The following TTC28 variants were observed in gnomAD, a reference collection of about 807,000 sequenced individuals.
TTC28 encodes tetratricopeptide repeat domain 28.
A neutral mutation model predicts 198.0 loss-of-function variants in TTC28; 61 were observed. That is an observed-to-expected ratio of 0.31 (90% confidence interval 0.25 to 0.38). The LOEUF (loss-of-function observed/expected upper bound fraction) is 0.38, where lower values mean the gene tolerates loss of function less well. Among genes scored for constraint, TTC28 ranks in the 10% least tolerant of loss-of-function variants. The pLI is 1.00. For missense variants in TTC28, 2,678 were observed against 3,164.0 expected (o/e 0.85, Z 3.69); for synonymous variants, 1,171 against 1,297.8 (o/e 0.90, Z 2.10).
At chr22:28,620,870 T>C (rs1030505558) in intron 2 of TTC28, among the ~76,000 whole-genome samples, 2 of 152,180 alleles carry the variant, frequency 1.3e-5, no homozygotes, top group Non-Finnish European at 2.9e-5. Flanking sequence ...TCCTGCTCAT[T>C]CCTCTCCTCA....
At chr22:28,502,963 T>G (rs910128605) in intron 2 of TTC28, among the ~76,000 whole-genome samples, 1 of 152,332 alleles carries the variant, frequency 6.6e-6, no homozygotes, top group South Asian at 2.1e-4. Context: ...TTAGGTTGAA[T>G]GTTTATATTC....
At chr22:28,335,913 T>C (rs1253299632) in intron 2 of TTC28, among the ~76,000 whole-genome samples, 2 of 152,232 alleles carry the variant, frequency 1.3e-5, no homozygotes, top group African/African-American at 2.4e-5. Context: ...CCCTGTCTTG[T>C]GCCAGTTTTC....
At chr22:28,247,554 A>G (rs1456180807) in intron 5 of TTC28, among the ~76,000 whole-genome samples, 1 of 152,192 alleles carries the variant, frequency 6.6e-6, no homozygotes, top group African/African-American at 2.4e-5. Flanking sequence ...CTACAGTGGG[A>G]TCAGAGCTAC....
chr22:28,671,282 A>G (rs955225378), intron 1 of TTC28, among the ~76,000 whole-genome samples: 1 of 152,068 alleles, frequency 6.6e-6, no homozygotes, highest in African/African-American at 2.4e-5. Context: ...TTATCATTGC[A>G]TAGTAAGTTA....
intron 1 of TTC28, among the ~76,000 whole-genome samples, chr22:28,651,968 T>C (rs1439760637): frequency 6.6e-6 from 1 of 152,052 alleles, no homozygotes; most frequent in Non-Finnish European, 1.5e-5. Flanking sequence ...GCCTCCCAAG[T>C]AGCTGGGATT....
At chr22:28,662,634 G>C (rs2051766568) in intron 1 of TTC28, among the ~76,000 whole-genome samples, 1 of 152,218 alleles carries the variant, frequency 6.6e-6, no homozygotes, top group South Asian at 2.1e-4. Context: ...AGAAGGAAGA[G>C]TGCTTCCACA....
At chr22:28,594,970 A>G (rs73882787) in intron 2 of TTC28, among the ~76,000 whole-genome samples, 3,296 of 152,290 alleles carry the variant, frequency 0.022, 114 homozygotes, top group African/African-American at 0.075. Flanking sequence ...ATCAGAGTGA[A>G]TAGACAGTAC....
At chr22:28,021,193 G>A (rs1048988961) in intron 13 of TTC28, among the ~76,000 whole-genome samples, 1 of 152,272 alleles carries the variant, frequency 6.6e-6, no homozygotes, top group African/African-American at 2.4e-5. Context: ...GATGGTGGGG[G>A]CCCACCTAGC....
At chr22:28,442,168 G>C (rs1414661485) in intron 2 of TTC28, among the ~76,000 whole-genome samples, 4 of 151,632 alleles carry the variant, frequency 2.6e-5, no homozygotes, top group Admixed American at 1.3e-4. Context: ...AAATAATCTC[G>C]CAAAAAGCAA....
intron 5 of TTC28, among the ~76,000 whole-genome samples, chr22:28,212,188 T>C (rs559329469): frequency 9.9e-5 from 15 of 152,026 alleles, no homozygotes; most frequent in Admixed American, 4.6e-4. Context: ...AGTTCTAAAA[T>C]TGACACCTGA....
intron 2 of TTC28, among the ~76,000 whole-genome samples, chr22:28,569,631 T>C (rs1252239866): frequency 6.6e-6 from 1 of 152,076 alleles, no homozygotes; most frequent in African/African-American, 2.4e-5. Flanking sequence ...GGAAATACCA[T>C]TCTGGACATC....
At chr22:28,429,671 T>G (rs890647552) in intron 2 of TTC28, among the ~76,000 whole-genome samples, 3 of 152,214 alleles carry the variant, frequency 2.0e-5, no homozygotes, top group Admixed American at 2.0e-4. Context: ...AAACCCATTC[T>G]TCCCACTTCA....
intron 2 of TTC28, among the ~76,000 whole-genome samples, chr22:28,334,354 T>G (rs1318728858): frequency 1.3e-5 from 2 of 152,222 alleles, no homozygotes; most frequent in East Asian, 3.8e-4. Flanking sequence ...TATAATCCTT[T>G]GGGTATATAC....
At chr22:28,642,090 G>A (rs1320108987) in intron 1 of TTC28, among the ~76,000 whole-genome samples, 1 of 151,846 alleles carries the variant, frequency 6.6e-6, no homozygotes, top group East Asian at 1.9e-4. Flanking sequence ...CTGTTAAGTA[G>A]TAAAACTATT....
chr22:28,389,415 T>A (rs1268724205), intron 2 of TTC28, among the ~76,000 whole-genome samples: 1 of 151,346 alleles, frequency 6.6e-6, no homozygotes, highest in Non-Finnish European at 1.5e-5. Flanking sequence ...TCAGAAGGAA[T>A]GGTACCAGTT....
chr22:28,285,568 C>G (rs1266775142), intron 5 of TTC28, among the ~76,000 whole-genome samples: 1 of 152,108 alleles, frequency 6.6e-6, no homozygotes, highest in Non-Finnish European at 1.5e-5. Context: ...GTCTTCACCA[C>G]CCCCAACTCA....
chr22:28,560,707 T>C (rs1185948477), intron 2 of TTC28, among the ~76,000 whole-genome samples: 1 of 152,146 alleles, frequency 6.6e-6, no homozygotes, highest in Non-Finnish European at 1.5e-5. Context: ...CAGGGTGAAC[T>C]TCCCTGACAT....
At chr22:28,649,184 G>T (rs1279951990) in intron 1 of TTC28, among the ~76,000 whole-genome samples, 1 of 152,046 alleles carries the variant, frequency 6.6e-6, no homozygotes, top group Non-Finnish European at 1.5e-5. Context: ...ATATAGAGTG[G>T]TATAAAAGAC....
At chr22:28,241,707 CT>C (rs1480045390) in intron 5 of TTC28, among the ~76,000 whole-genome samples, 4 of 151,944 alleles carry the variant, frequency 2.6e-5, no homozygotes, top group Non-Finnish European at 5.9e-5. Flanking sequence ...AATTTTACAA[CT>C]TTTTTGTAAG....
Sources: allele counts gnomAD v4.1 joint callset (sites outside exome capture counted in the v4.1 genomes callset), GRCh38; gene constraint gnomAD v4.1.1; transcripts MANE v1.5; gene names NCBI Gene and HGNC (gene_info 2026-07-23, HGNC 2026-07-21).